Variants in ITIH5 observed in about 807,000 individuals in gnomAD.
ITIH5 encodes the protein inter-alpha-trypsin inhibitor heavy chain 5.
Under a neutral mutation model 77.5 loss-of-function variants are expected in ITIH5, and 65 were observed. The observed-to-expected ratio is 0.84, with a 90% CI of 0.69 to 1.03. The LOEUF is 1.03. ITIH5 is among the 50% of genes least tolerant of loss of function. The probability of loss-of-function intolerance (pLI) is 0.00; values close to 1 mark genes in which losing one functional copy is unlikely to be tolerated. For missense variants in ITIH5, 1,208 were observed against 1,213.1 expected (o/e 1.00, Z 0.06); for synonymous variants, 525 against 494.3 (o/e 1.06, Z -0.82).
At chr10:7,583,663 T>C (rs578150050) in intron 8 of ITIH5, among the ~76,000 whole-genome samples, 1 of 152,352 alleles carries the variant, frequency 6.6e-6, no homozygotes, top group Non-Finnish European at 1.5e-5. Flanking sequence ...TCCAGTCTAA[T>C]TTCTTAGTGC....
At position 7,566,394 on chromosome 10, in the gene ITIH5, G is replaced by A. The variant is rs561325808; in HGVS notation, c.2163C>T (p.Asn721=). ...GGGCGGGTGCCCCAATTAACTCTCC[G>A]TTCACTGTGACACCTCAAAGGCCAA... ...SDHRDSGVTV[N]GELIGAPAPP... Residue 721 remains asparagine, a synonymous_variant, in exon 13 of 14, where the codon AAC becomes AAT. Transcript: ENST00000397146. The A allele has an allele frequency of 3.9e-5, 63 of 1,597,758 alleles. No individual in the cohort carries two copies. Among genetic ancestry groups the A allele is most frequent in the East Asian group, 3.6e-4 (16 of 44,432 alleles).
At chr10:7,577,906 G>T (rs142241317) in intron 9 of ITIH5, among the ~76,000 whole-genome samples, 145 of 152,196 alleles carry the variant, frequency 9.5e-4, no homozygotes, top group South Asian at 4.8e-3. Flanking sequence ...ATTGAGCTCC[G>T]GCCATCCAGC....
At chr10:7,636,200 A>C (rs1833795875) in intron 5 of ITIH5, among the ~76,000 whole-genome samples, 1 of 152,228 alleles carries the variant, frequency 6.6e-6, no homozygotes, top group Non-Finnish European at 1.5e-5. Context: ...AAATACGGTG[A>C]TTAAAACTAG....
chr10:7,583,478 G>A (rs939149714), intron 8 of ITIH5, among the ~76,000 whole-genome samples: 6 of 152,106 alleles, frequency 3.9e-5, no homozygotes, highest in African/African-American at 7.2e-5. Context: ...GACTACAGGC[G>A]CAAGCTACCA....
At chr10:7,665,036 A>G (rs974189124) in intron 1 of ITIH5, among the ~76,000 whole-genome samples, 1 of 152,252 alleles carries the variant, frequency 6.6e-6, no homozygotes, top group Non-Finnish European at 1.5e-5. Flanking sequence ...AATATAAAAA[A>G]GAACGGATTA....
intron 7 of ITIH5, among the ~76,000 whole-genome samples, chr10:7,597,566 TC>T (rs1832930053): frequency 1.5e-5 from 2 of 136,372 alleles, no homozygotes; most frequent in Non-Finnish European, 3.3e-5. Flanking sequence ...AGTCACCCCC[TC>T]TGTACCCCAG....
intron 5 of ITIH5, chr10:7,620,036 G>C (rs970751879): frequency 6.6e-6 from 1 of 152,062 alleles, no homozygotes; most frequent in Non-Finnish European, 1.5e-5. Context: ...AAATTAGGTG[G>C]GTGTGGTGGC....
chr10:7,628,621 GATGTGTCCATGTTGTACC>G (rs1256665909), intron 5 of ITIH5, among the ~76,000 whole-genome samples: 1 of 109,264 alleles, frequency 9.2e-6, no homozygotes, highest in African/African-American at 2.7e-5. Flanking sequence ...CATGTTATGG[GATGTGTCCATGTTGTACC>G]ATGTGTCCAT....
intron 2 of ITIH5, among the ~76,000 whole-genome samples, chr10:7,643,578 A>C (rs1007932616): frequency 6.6e-6 from 1 of 152,180 alleles, no homozygotes; most frequent in African/African-American, 2.4e-5. Context: ...GGTCCTGGGC[A>C]CACAAAGGCT....
At chr10:7,624,857 G>GTATATACACATATATATGTA in intron 5 of ITIH5, among the ~76,000 whole-genome samples, 34 of 56,102 alleles carry the variant, frequency 6.1e-4, no homozygotes, top group African/African-American at 1.9e-3. Context: ...ATATATATGT[G>GTATATACACATATATATGTA]TATATATGTA....
intron 7 of ITIH5, among the ~76,000 whole-genome samples, chr10:7,599,070 C>G (rs1832964125): frequency 1.3e-5 from 2 of 152,202 alleles, no homozygotes; most frequent in Admixed American, 1.3e-4. Flanking sequence ...CTGAAAAGCT[C>G]TTTGCCAATA....
intron 9 of ITIH5, among the ~76,000 whole-genome samples, chr10:7,578,084 T>C (rs1320222953): frequency 5.3e-5 from 8 of 152,302 alleles, no homozygotes; most frequent in Non-Finnish European, 1.2e-4. Flanking sequence ...ACAAGAGTGA[T>C]AGTGACTGAA....
rs866035474 is a variant in ITIH5 at position 7,644,868 on chromosome 10, A to G, written c.136-2778T>C. 4.9e-4 allele frequency among the ~76,000 whole-genome samples: 64 copies of G among 129,572 alleles called. No homozygotes were observed. The South Asian group carries it at 0.013, about 27-fold the overall frequency. 85.0% of individuals were successfully genotyped at this position (129,572 alleles called of 152,430 possible). A position where few individuals can be genotyped will look rare whatever the true frequency, so the allele number is the denominator to read the frequency against. ...TATATATCACATATGTATCACATAT[A>G]TATCACATATATATATCACATATAT... is the stretch of plus-strand genomic sequence containing the variant. On this transcript the variant is annotated intron_variant, in intron 2 of 13. Coordinates refer to ENST00000397146, the MANE Select transcript of ITIH5 (RefSeq NM_030569.7).
intron 7 of ITIH5, among the ~76,000 whole-genome samples, chr10:7,603,451 T>C (rs1453938765): frequency 1.3e-5 from 2 of 152,180 alleles, no homozygotes; most frequent in African/African-American, 4.8e-5. Context: ...GATGATGAGA[T>C]GTCCTAAAAT....
chr10:7,577,058 G>A, intron 9 of ITIH5, 46 bp from the exon 10 acceptor site: 1 of 1,523,960 alleles, frequency 6.6e-7, no homozygotes, highest in Non-Finnish European at 8.9e-7. Context: ...GCCCTGCTCT[G>A]ACAGCAGGCA....
At chr10:7,639,556 A>G (rs1232974355) in intron 4 of ITIH5, among the ~76,000 whole-genome samples, 2 of 152,018 alleles carry the variant, frequency 1.3e-5, no homozygotes, top group African/African-American at 2.4e-5. Context: ...AGAGAACTAA[A>G]TTTCTCAAAA....
At chr10:7,626,938 C>A (rs1833589118) in intron 5 of ITIH5, among the ~76,000 whole-genome samples, 1 of 152,176 alleles carries the variant, frequency 6.6e-6, no homozygotes, top group African/African-American at 2.4e-5. Context: ...CCAACGTAAG[C>A]CAAGAAAGTG....
chr10:7,587,677 C>G (rs1832709770), intron 7 of ITIH5, among the ~76,000 whole-genome samples: 1 of 152,180 alleles, frequency 6.6e-6, no homozygotes, highest in South Asian at 2.1e-4. Context: ...CTGAGCAGGG[C>G]CAGCCACACA....
At chr10:7,600,615 T>G in intron 7 of ITIH5, 1 of 456,624 alleles carries the variant, frequency 2.2e-6, no homozygotes, top group East Asian at 6.9e-5. Flanking sequence ...TACATTTGGT[T>G]AATCAGAACA....
Sources: gnomAD v4.1 joint callset for allele counts (sites outside exome capture counted in the v4.1 genomes callset) on GRCh38, gnomAD v4.1.1 for gene constraint, MANE v1.5 for transcripts, NCBI Gene and HGNC (gene_info 2026-07-23, HGNC 2026-07-21) for gene names.